RABGAP1L: variants seen among roughly 807,000 people sequenced by gnomAD.
The protein encoded by RABGAP1L is rab GTPase-activating protein 1-like.
In RABGAP1L, 63 loss-of-function variants were observed where a neutral mutation model predicts 137.7. The observed-to-expected ratio is 0.46, with a 90% CI of 0.37 to 0.56. The LOEUF (loss-of-function observed/expected upper bound fraction) is 0.56, where lower values mean the gene tolerates loss of function less well. Among genes scored for constraint, RABGAP1L ranks in the 20% least tolerant of loss-of-function variants. The probability of loss-of-function intolerance (pLI) is 0.00; values close to 1 mark genes in which losing one functional copy is unlikely to be tolerated. For synonymous variants in RABGAP1L, 431 were observed against 433.7 expected (o/e 0.99, Z 0.08); for missense variants, 1,095 against 1,244.0 (o/e 0.88, Z 1.80).
chr1:174,507,018 G>A (rs1355640743), intron 13 of RABGAP1L, among the ~76,000 whole-genome samples: 1 of 152,178 alleles, frequency 6.6e-6, no homozygotes, highest in African/African-American at 2.4e-5. Context: ...GGCTGAGGCG[G>A]GAGGATCCCT....
chr1:174,445,545 A>T (rs1198839780), intron 13 of RABGAP1L, among the ~76,000 whole-genome samples: 1 of 152,188 alleles, frequency 6.6e-6, no homozygotes, highest in African/African-American at 2.4e-5. Flanking sequence ...AGTTAAATAC[A>T]TCAAACTCAG....
At chr1:174,825,200 T>A (rs1184541694) in intron 19 of RABGAP1L, among the ~76,000 whole-genome samples, 1 of 152,210 alleles carries the variant, frequency 6.6e-6, no homozygotes, top group Admixed American at 6.5e-5. Flanking sequence ...TTGGTTTTGC[T>A]TTTTTGATTT....
chr1:174,605,464 T>C (rs749834233), intron 13 of RABGAP1L, among the ~76,000 whole-genome samples: 1 of 152,226 alleles, frequency 6.6e-6, no homozygotes, highest in Non-Finnish European at 1.5e-5. Context: ...TGGTAGCTAT[T>C]GCTTTGATTA....
chr1:174,223,079 C>G (rs148703810), intron 3 of RABGAP1L, among the ~76,000 whole-genome samples: 7,280 of 151,654 alleles, frequency 0.048, 266 homozygotes, highest in Non-Finnish European at 0.07. Context: ...ACCAGCCTGG[C>G]TAATATAGTG....
intron 10 of RABGAP1L, 125 bp from the exon 11 acceptor site, chr1:174,304,861 T>TG (rs1678051851): frequency 1.2e-6 from 1 of 824,948 alleles, no homozygotes; most frequent in African/African-American, 1.8e-5. Flanking sequence ...ACCTCAGACA[T>TG]GCTGTAGATC....
chr1:174,165,700 T>C (rs571971160), intron 1 of RABGAP1L, among the ~76,000 whole-genome samples: 25 of 152,040 alleles, frequency 1.6e-4, no homozygotes, highest in Admixed American at 3.3e-4. Context: ...GGTCTCATTA[T>C]GTTGCCCAGG....
At chr1:174,886,214 G>A (rs183664656) in intron 19 of RABGAP1L, among the ~76,000 whole-genome samples, 119 of 152,088 alleles carry the variant, frequency 7.8e-4, no homozygotes, top group Non-Finnish European at 9.4e-4. Flanking sequence ...GTTTCTCCCT[G>A]TTGGTCAGGC....
intron 14 of RABGAP1L, among the ~76,000 whole-genome samples, chr1:174,667,118 C>T (rs1010540972): frequency 6.6e-6 from 1 of 151,998 alleles, no homozygotes; most frequent in African/African-American, 2.4e-5. Context: ...ATCCTGTGGT[C>T]AGCATGATAA....
intron 21 of RABGAP1L, among the ~76,000 whole-genome samples, chr1:174,969,729 C>T (rs1261852795): frequency 1.3e-5 from 2 of 152,186 alleles, no homozygotes; most frequent in Non-Finnish European, 2.9e-5. Context: ...AGATGCCTTA[C>T]TTTTTGTTCC....
chr1:174,242,643 C>G (rs527799076), intron 5 of RABGAP1L, among the ~76,000 whole-genome samples: 2 of 152,162 alleles, frequency 1.3e-5, no homozygotes, highest in African/African-American at 4.8e-5. Flanking sequence ...CCCTGGTGAT[C>G]AGTTTGCTTT....
At chr1:174,889,263 A>G (rs1231789945) in intron 19 of RABGAP1L, among the ~76,000 whole-genome samples, 4 of 151,796 alleles carry the variant, frequency 2.6e-5, no homozygotes, top group South Asian at 2.1e-4. Flanking sequence ...AGCTGGGACT[A>G]CAGATGCCTG....
At chr1:174,426,509 G>A (rs189256299) in intron 13 of RABGAP1L, among the ~76,000 whole-genome samples, 2 of 151,908 alleles carry the variant, frequency 1.3e-5, no homozygotes, top group African/African-American at 4.8e-5. Flanking sequence ...ATAAAATATT[G>A]GGGAGTTGAG....
chr1:174,901,035 C>T lies in RABGAP1L; in HGVS notation c.2341-56422C>T, dbSNP rs142252777. 1.2e-4 allele frequency among the ~76,000 whole-genome samples: 18 copies of T among 152,044 alleles called. No individual in the cohort carries two copies. The East Asian group carries it at 2.1e-3, about 18-fold the overall frequency. ...TATTCTTGTTTGCCTGTCTTATTTC[C>T]GAAAGATAGTCTTCAAGCTCTGAAA... is the stretch of plus-strand genomic sequence containing the variant. On this transcript the variant is annotated intron_variant, in intron 19 of 25. Transcript: ENST00000681986.
chr1:174,692,113 T>G (rs1678916193), intron 15 of RABGAP1L, among the ~76,000 whole-genome samples: 1 of 152,222 alleles, frequency 6.6e-6, no homozygotes, highest in African/African-American at 2.4e-5. Flanking sequence ...ACATTTTTGT[T>G]GGCAGTTACC....
intron 19 of RABGAP1L, among the ~76,000 whole-genome samples, chr1:174,925,069 A>G (rs1573853030): frequency 1.3e-5 from 2 of 152,224 alleles, no homozygotes; most frequent in East Asian, 1.9e-4. Context: ...TTCAAAAGAG[A>G]AAAGACAGCG....
chr1:174,986,310 A>G (rs1558308377), intron 24 of RABGAP1L, among the ~76,000 whole-genome samples: 1 of 152,144 alleles, frequency 6.6e-6, no homozygotes, highest in Non-Finnish European at 1.5e-5. Flanking sequence ...GCAGAATTTT[A>G]GTCCAAAAGG....
intron 19 of RABGAP1L, among the ~76,000 whole-genome samples, chr1:174,925,104 G>A (rs776346379): frequency 3.3e-5 from 5 of 152,134 alleles, no homozygotes; most frequent in African/African-American, 1.2e-4. Context: ...GGTGGCTCAT[G>A]CCTGTAATCC....
chr1:174,348,801 AAG>A (rs1471858138), intron 11 of RABGAP1L, among the ~76,000 whole-genome samples: 1 of 151,568 alleles, frequency 6.6e-6, no homozygotes, highest in Non-Finnish European at 1.5e-5. Flanking sequence ...ACAGGATCCC[AAG>A]ACAGAGGAAT....
intron 13 of RABGAP1L, among the ~76,000 whole-genome samples, chr1:174,498,065 A>G (rs1230273485): frequency 6.6e-6 from 1 of 152,162 alleles, no homozygotes. Context: ...TTTATTTCAC[A>G]TTTTTAAAGT....
Sources: gnomAD v4.1 joint callset for allele counts (sites outside exome capture counted in the v4.1 genomes callset) on GRCh38, gnomAD v4.1.1 for gene constraint, MANE v1.5 for transcripts, NCBI Gene and HGNC (gene_info 2026-07-23, HGNC 2026-07-21) for gene names.